Variants in SULF1 observed in about 807,000 individuals in gnomAD.
The protein encoded by SULF1 is sulfatase 1.
A neutral mutation model predicts 110.5 loss-of-function variants in SULF1; 46 were observed. The observed-to-expected ratio is 0.42, with a 90% CI of 0.33 to 0.53. The LOEUF (loss-of-function observed/expected upper bound fraction) is 0.53. SULF1 is among the 20% of genes least tolerant of loss of function. The pLI, the probability that SULF1 is intolerant of heterozygous loss-of-function variation, is 0.12. For synonymous variants in SULF1, 371 were observed against 387.1 expected, an observed-to-expected ratio of 0.96 and a Z score of 0.49; for missense variants, 941 against 1,094.2, an observed-to-expected ratio of 0.86 and a Z score of 1.98.
At chr8:69,652,685 G>A (rs1354166958) in intron 22 of SULF1, among the ~76,000 whole-genome samples, 1 of 152,190 alleles carries the variant, frequency 6.6e-6, no homozygotes, top group Non-Finnish European at 1.5e-5. Context: ...GTTGTATACA[G>A]ACTGTAGCCT....
At chr8:69,560,725 C>A (rs1342577088) in intron 3 of SULF1, among the ~76,000 whole-genome samples, 2 of 152,144 alleles carry the variant, frequency 1.3e-5, no homozygotes, top group African/African-American at 4.8e-5. Flanking sequence ...GACTTTTTTC[C>A]CTTCTTTACT....
rs1280920689 is a variant in SULF1 at position 69,492,985 on chromosome 8, T to C, written c.-531T>C. 6.5e-6 allele frequency: 1 copy of C among 152,688 alleles called. No individual in the cohort carries two copies. Among genetic ancestry groups the C allele is most frequent in the African/African-American group, 2.4e-5 (1 of 41,568 alleles). The allele number at this position is 152,688 out of a possible 1,614,324, so 9.5% of individuals were successfully genotyped here. On this transcript the variant is annotated 5_prime_UTR_variant, in exon 1 of 23. Transcript: ENST00000402687. ...AGGCCTTCCCGGCTGCCGGCGCTCC[T>C]CGGAGGTCAGGGCAGATGAGGAACA...
Position 69,530,059 on chromosome 8 carries a change from C to G in SULF1, c.-134+28091C>G, listed in dbSNP as rs571090261. Among the ~76,000 whole-genome samples the G allele has an allele frequency of 2.6e-5, 4 of 152,310 alleles. No individual in the cohort carries two copies. In the South Asian group the frequency reaches 8.3e-4, roughly 32 times the overall value. On this transcript the variant is annotated intron_variant, in intron 3 of 22. Coordinates refer to ENST00000402687, the MANE Select transcript of SULF1 (RefSeq NM_001128205.2). ...TTTTTCTGCTTTAGGGCAAGACCAA[C>G]AGAGAGATGAAATAAATGCAGTAAA...
chr8:69,651,907 A>T (rs1812371467), intron 22 of SULF1, among the ~76,000 whole-genome samples: 1 of 152,150 alleles, frequency 6.6e-6, no homozygotes, highest in Non-Finnish European at 1.5e-5. Context: ...AACAACACAA[A>T]TTTATTCTCT....
chr8:69,658,335 A>G (rs1812876496), intron 22 of SULF1, among the ~76,000 whole-genome samples, 170 bp from the exon 23 acceptor site: 3 of 152,194 alleles, frequency 2.0e-5, no homozygotes, highest in Admixed American at 6.5e-5. Context: ...TCTGTTGTTT[A>G]ATCACCTGTA....
At chr8:69,542,239 G>A (rs1011195865) in intron 3 of SULF1, among the ~76,000 whole-genome samples, 54 of 152,024 alleles carry the variant, frequency 3.6e-4, no homozygotes, top group Admixed American at 3.3e-3. Flanking sequence ...TATTGGGGAG[G>A]GCTTCACAGT....
intron 1 of SULF1, among the ~76,000 whole-genome samples, chr8:69,472,796 A>G (rs1189380968): frequency 1.3e-5 from 2 of 152,222 alleles, no homozygotes; most frequent in Non-Finnish European, 2.9e-5. Context: ...TATGTGGTCC[A>G]TGTACTCCTG....
chr8:69,496,070 T>C (rs1428378741), intron 2 of SULF1, 144 bp downstream of exon 2: 1 of 152,266 alleles, frequency 6.6e-6, no homozygotes. Context: ...CCTGGTTTTC[T>C]TATACCCTTT....
At chr8:69,620,382 T>G (rs928754436) in intron 13 of SULF1, among the ~76,000 whole-genome samples, 1 of 152,206 alleles carries the variant, frequency 6.6e-6, no homozygotes, top group Admixed American at 6.5e-5. Context: ...GGCTGTAGAT[T>G]CCCGGGCTTG....
intron 5 of SULF1, among the ~76,000 whole-genome samples, chr8:69,565,724 G>A (rs1430263763): frequency 6.6e-6 from 1 of 152,102 alleles, no homozygotes; most frequent in African/African-American, 2.4e-5. Flanking sequence ...CCCTTCTGTG[G>A]TTTCCCTTTG....
chr8:69,600,873 A>G (rs952931641), intron 9 of SULF1, 120 bp downstream of exon 9: 97 of 1,153,646 alleles, frequency 8.4e-5, no homozygotes, highest in Admixed American at 1.3e-4. Flanking sequence ...TTGAGAGAGA[A>G]AGAAAGAGAG....
chr8:69,544,996 G>A (rs960486), intron 3 of SULF1, among the ~76,000 whole-genome samples: 89,237 of 151,714 alleles, frequency 0.59, 26,249 homozygotes, highest in East Asian at 0.66. Flanking sequence ...GCTTTTCATT[G>A]TTGTTGTTTT....
intron 11 of SULF1, 134 bp downstream of exon 11, chr8:69,603,454 C>G: frequency 6.8e-6 from 10 of 1,465,508 alleles, no homozygotes; most frequent in Non-Finnish European, 9.5e-6. Flanking sequence ...CTGAGCATTT[C>G]TCAGCTGCTT....
chr8:69,495,585 T>C (rs1205049262), intron 1 of SULF1, among the ~76,000 whole-genome samples, 180 bp from the exon 2 acceptor site: 1 of 152,192 alleles, frequency 6.6e-6, no homozygotes, highest in African/African-American at 2.4e-5. Flanking sequence ...AGGAAGCCCA[T>C]GTCTAGGGCA....
chr8:69,656,429 A>T (rs547247899), intron 22 of SULF1, among the ~76,000 whole-genome samples: 2 of 152,146 alleles, frequency 1.3e-5, no homozygotes, highest in African/African-American at 4.8e-5. Flanking sequence ...CCTAGGTATT[A>T]AGCCCAGCAT....
At chr8:69,472,234 C>A (rs1235662358) in intron 1 of SULF1, among the ~76,000 whole-genome samples, 2 of 152,200 alleles carry the variant, frequency 1.3e-5, no homozygotes, top group African/African-American at 2.4e-5. Context: ...GATTTGGATT[C>A]TCTAAGGGTC....
intron 3 of SULF1, among the ~76,000 whole-genome samples, chr8:69,510,333 A>G (rs1329062489): frequency 1.3e-5 from 2 of 152,204 alleles, no homozygotes; most frequent in Admixed American, 1.3e-4. Flanking sequence ...TGGGAGCCAG[A>G]CTGCCAGGGT....
At chr8:69,638,284 A>C in intron 19 of SULF1, 2 of 581,124 alleles carry the variant, frequency 3.4e-6, no homozygotes, top group South Asian at 4.3e-5. Flanking sequence ...TCTTCAGCCT[A>C]TAAGAGATCA....
chr8:69,603,373 G>A, intron 11 of SULF1, 53 bp downstream of exon 11: 1 of 1,611,794 alleles, frequency 6.2e-7, no homozygotes, highest in Non-Finnish European at 8.5e-7. Context: ...AGCTCCAGCT[G>A]GTGCCCAGAG....
Sources: allele counts gnomAD v4.1 joint callset (sites outside exome capture counted in the v4.1 genomes callset), GRCh38; gene constraint gnomAD v4.1.1; transcripts MANE v1.5; gene names NCBI Gene and HGNC (gene_info 2026-07-23, HGNC 2026-07-21).